The following ZNF362 variants were observed in gnomAD, a reference collection of about 807,000 sequenced individuals.
ZNF362 encodes the protein zinc finger protein 362, also known as rotund homolog.
A neutral mutation model predicts 42.9 loss-of-function variants in ZNF362; 11 were observed. The ratio of observed to expected loss-of-function variants is 0.26; its 90% CI spans 0.16 to 0.42. ZNF362 has a LOEUF of 0.42. Among genes scored for constraint, ZNF362 ranks in the 20% least tolerant of loss-of-function variants. The probability of loss-of-function intolerance (pLI) is 1.00; values close to 1 mark genes in which losing one functional copy is unlikely to be tolerated. For synonymous variants in ZNF362, 255 were observed against 257.3 expected (o/e 0.99, Z 0.09); for missense variants, 362 against 576.2 (o/e 0.63, Z 3.81).
chr1:33,237,268 A>G, the ZNF362 span, among the ~76,000 whole-genome samples: 1 of 152,204 alleles, frequency 6.6e-6, no homozygotes, highest in African/African-American at 2.4e-5. Context: ...AGCTTAATGA[A>G]GCATCTGGCA....
At chr1:33,133,312 A>T in the ZNF362 span, among the ~76,000 whole-genome samples, 1 of 152,016 alleles carries the variant, frequency 6.6e-6, no homozygotes, top group South Asian at 2.1e-4. Context: ...GAGGAAGGAG[A>T]GTTTCTCTTT....
intron 1 of ZNF362, among the ~76,000 whole-genome samples, chr1:33,262,532 C>T (rs1645836170): frequency 6.6e-6 from 1 of 152,032 alleles, no homozygotes; most frequent in African/African-American, 2.4e-5. Flanking sequence ...TGGTCTCGAT[C>T]TCCTGACCTT....
chr1:33,275,341 C>T, intron 2 of ZNF362: 5 of 985,476 alleles, frequency 5.1e-6, no homozygotes, highest in Non-Finnish European at 6.0e-6. Context: ...GTGAGGGCCA[C>T]CAGACAGTTT....
At chr1:33,225,036 C>T in the ZNF362 span, among the ~76,000 whole-genome samples, 25 of 152,316 alleles carry the variant, frequency 1.6e-4, no homozygotes, top group Non-Finnish European at 2.8e-4. Flanking sequence ...CAACTATGAA[C>T]TGATCTTCTG....
chr1:33,243,725 TA>T, the ZNF362 span, among the ~76,000 whole-genome samples: 1 of 151,688 alleles, frequency 6.6e-6, no homozygotes, highest in East Asian at 1.9e-4. Context: ...GCCTCCCGAA[TA>T]GCTGGGACTA....
At chr1:33,209,308 T>C in the ZNF362 span, among the ~76,000 whole-genome samples, 1 of 152,244 alleles carries the variant, frequency 6.6e-6, no homozygotes, top group African/African-American at 2.4e-5. Context: ...GATGTGCTGC[T>C]GGATTCGGTT....
At chr1:33,184,941 T>C in the ZNF362 span, among the ~76,000 whole-genome samples, 1 of 151,642 alleles carries the variant, frequency 6.6e-6, no homozygotes, top group Non-Finnish European at 1.5e-5. Flanking sequence ...CCACCATGCC[T>C]GGCTAATTTT....
At chr1:33,182,648 G>A in the ZNF362 span, among the ~76,000 whole-genome samples, 1 of 151,884 alleles carries the variant, frequency 6.6e-6, no homozygotes, top group Non-Finnish European at 1.5e-5. Context: ...GGCGGTGAGG[G>A]GTGGAGCAGG....
the ZNF362 span, among the ~76,000 whole-genome samples, chr1:33,134,859 C>T: frequency 5.3e-5 from 8 of 152,200 alleles, no homozygotes; most frequent in African/African-American, 9.6e-5. Context: ...TCATTTCTTC[C>T]GTCTTCTACT....
At chr1:33,274,758 T>C (rs992263999) in intron 2 of ZNF362, 2 of 183,834 alleles carry the variant, frequency 1.1e-5, no homozygotes, top group African/African-American at 4.8e-5. Flanking sequence ...CTTGAGCAAA[T>C]CTGATTTCTA....
In ZNF362 at chr1:33,280,423, T is replaced by A; in HGVS notation, c.649T>A (p.Ser217Thr). The change falls in exon 5 of 9, where the codon TCG becomes ACG. Residue 217 changes from serine (S) to threonine (T), a missense_variant. Transcript: ENST00000539719. This position sits in a 1 kb window ranked among gnomAD's most constrained non-coding sequence, Gnocchi z 5.6. ...TGTAGTCCCCTATCCCATCCTGGCC[T>A]CGGGCGAGACTGCCAAGGAGGGCAA... is the stretch of plus-strand genomic sequence containing the variant. The part of the protein sequence containing the change: ...VLVVPYPILA[S>T]GETAKEGKTY... 6.2e-7 allele frequency: 1 copy of A among 1,609,594 alleles called. No homozygotes were observed.
At chr1:33,159,565 T>C in the ZNF362 span, 1 of 1,365,242 alleles carries the variant, frequency 7.3e-7, no homozygotes, top group Admixed American at 2.7e-5. The surrounding 1 kb of genome is among the most constrained non-coding windows in gnomAD (Gnocchi z 4.2). Flanking sequence ...CCCGTAAATG[T>C]TTGATGAAGA....
the ZNF362 span, among the ~76,000 whole-genome samples, chr1:33,154,696 G>A: frequency 3.3e-5 from 5 of 151,720 alleles, no homozygotes; most frequent in Admixed American, 6.6e-5. Flanking sequence ...TACTTGGGAG[G>A]CCGAGGCAGG....
At chr1:33,258,063 G>A (rs1024140874) in intron 1 of ZNF362, among the ~76,000 whole-genome samples, 5 of 152,362 alleles carry the variant, frequency 3.3e-5, no homozygotes, top group Admixed American at 1.3e-4. Context: ...TCTGAGGGAA[G>A]GGGCAGGAAA....
chr1:33,137,276 G>A, the ZNF362 span, among the ~76,000 whole-genome samples: 39 of 152,284 alleles, frequency 2.6e-4, no homozygotes, highest in Middle Eastern at 0.01. Context: ...GCTCTGCCAC[G>A]TAAGCAGAAA....
rs60197226 is a variant in ZNF362, at chr1:33,288,743, CAAA to C, written c.909-6177_909-6175del. ...TCGGCGATAGAGCGAGACTCTGTCT[CAAA>C]AAAAAAAAAAAAAAAAGAAGCGTGA... On this transcript the variant is annotated intron_variant, in intron 6 of 8. Coordinates refer to ENST00000539719, the MANE Select transcript of ZNF362 (RefSeq NM_152493.3). Among the ~76,000 whole-genome samples the C allele has an allele frequency of 2.9e-4, 8 of 27,356 alleles. 1 individual carries two copies. Among genetic ancestry groups the C allele is most frequent in the South Asian group, 3.1e-3 (1 of 322 alleles). 17.9% of individuals were successfully genotyped at this position (27,356 alleles called of 152,430 possible).
Position 33,280,259 on chromosome 1 carries a change from C to T in ZNF362, c.485C>T (p.Thr162Ile). ...SQSRLIASSP[T>I]LISGITSPPL... ...AGCCGCCTCATCGCCTCGTCCCCCA[C>T]CCTCATCTCAGGGATCACCAGCCCC... The change falls in exon 5 of 9, where the codon ACC (threonine) becomes ATC (isoleucine). Residue 162 changes from threonine (T) to isoleucine (I), a missense_variant. Thr to Ile is a moderately conservative substitution (Grantham distance 89, BLOSUM62 -1). This residue lies in a region of ZNF362 where 266 missense variants were observed against 365.4 expected (regional missense o/e 0.73). Transcript: ENST00000539719. The surrounding 1 kb of genome is among the most constrained non-coding windows in gnomAD (Gnocchi z 5.6). 6.2e-7 allele frequency: 1 copy of T among 1,614,024 alleles called. No homozygotes were observed. Among genetic ancestry groups the T allele is most frequent in the Non-Finnish European group, 8.5e-7 (1 of 1,179,914 alleles).
At chr1:33,283,159 A>T (rs1646008775) in intron 6 of ZNF362, among the ~76,000 whole-genome samples, 1 of 151,840 alleles carries the variant, frequency 6.6e-6, no homozygotes, top group Non-Finnish European at 1.5e-5. Context: ...ACAGAGTCTC[A>T]CTCTATTGCC....
the ZNF362 span, among the ~76,000 whole-genome samples, chr1:33,198,444 T>C: frequency 6.6e-6 from 1 of 152,172 alleles, no homozygotes; most frequent in African/African-American, 2.4e-5. Context: ...GGTGGGCAGA[T>C]TGTTTGAGCT....
Sources: allele counts gnomAD v4.1 joint callset (sites outside exome capture counted in the v4.1 genomes callset), GRCh38; gene constraint gnomAD v4.1.1; regional missense constraint gnomAD v4.1.1; non-coding constraint Gnocchi (gnomAD v3.1); transcripts MANE v1.5; gene names NCBI Gene and HGNC (gene_info 2026-07-23, HGNC 2026-07-21).